The following NTRK3 variants were observed in gnomAD, a reference collection of about 807,000 sequenced individuals.
The protein encoded by NTRK3 is neurotrophic receptor tyrosine kinase 3.
Under a neutral mutation model 91.7 loss-of-function variants are expected in NTRK3, and 24 were observed. The ratio of observed to expected loss-of-function variants is 0.26; its 90% CI spans 0.19 to 0.37. The LOEUF (loss-of-function observed/expected upper bound fraction) is 0.37. Among genes scored for constraint, NTRK3 ranks in the 10% least tolerant of loss-of-function variants. The pLI, the probability that NTRK3 is intolerant of heterozygous loss-of-function variation, is 1.00. For missense variants in NTRK3, 880 were observed against 1,068.9 expected (o/e 0.82, Z 2.46); for synonymous variants, 483 against 404.0 (o/e 1.20, Z -2.34).
At chr15:88,256,452 G>A (rs1488214014) in exon 2 of NTRK3, 32 of 534,498 alleles carry the variant, frequency 6.0e-5, no homozygotes, top group Non-Finnish European at 9.4e-5. Context: ...GGGTCCGGGG[G>A]CTCTGGAAGC....
exon 19 of NTRK3, chr15:87,877,000 C>G (rs1189216024): frequency 2.5e-6 from 4 of 1,613,710 alleles, no homozygotes; most frequent in Non-Finnish European, 3.4e-6. Context: ...TTGTAGATCT[C>G]CTTGATGTTC....
At chr15:88,134,444 T>A (rs1223914223) in intron 10 of NTRK3, among the ~76,000 whole-genome samples, 1 of 152,172 alleles carries the variant, frequency 6.6e-6, no homozygotes, top group Admixed American at 6.5e-5. Context: ...ATTAGCACTA[T>A]CATAAGCTGA....
intron 6 of NTRK3, among the ~76,000 whole-genome samples, chr15:88,144,354 C>A (rs903534212): frequency 2.6e-5 from 4 of 152,152 alleles, no homozygotes; most frequent in African/African-American, 9.6e-5. Context: ...GAGTCAGGGG[C>A]TTGGCCAAGA....
At chr15:87,898,873 C>T (rs1006600019) in intron 17 of NTRK3, among the ~76,000 whole-genome samples, 9 of 150,876 alleles carry the variant, frequency 6.0e-5, no homozygotes, top group South Asian at 2.1e-4. Flanking sequence ...TGTGGTGGCA[C>T]GCACCTGTAG....
exon 16 of NTRK3, chr15:87,933,173 A>T (rs772443761): frequency 1.2e-5 from 20 of 1,613,986 alleles, no homozygotes; most frequent in Admixed American, 5.0e-5. Context: ...CCAGGGTGGG[A>T]TCCTTCAGGG....
At chr15:87,959,124 C>T (rs2071988589) in intron 14 of NTRK3, among the ~76,000 whole-genome samples, 1 of 152,152 alleles carries the variant, frequency 6.6e-6, no homozygotes, top group African/African-American at 2.4e-5. Context: ...GCTCTCCAAC[C>T]ACTCAGTGGA....
intron 13 of NTRK3, among the ~76,000 whole-genome samples, chr15:88,063,143 C>T (rs2046360469): frequency 6.6e-6 from 1 of 152,226 alleles, no homozygotes; most frequent in Non-Finnish European, 1.5e-5. Context: ...TATTTGTTTG[C>T]TGTGAAGATT....
chr15:88,248,570 G>T (rs769496079), intron 3 of NTRK3, among the ~76,000 whole-genome samples: 2 of 152,212 alleles, frequency 1.3e-5, no homozygotes, highest in Admixed American at 1.3e-4. Context: ...ATGCTAGTAT[G>T]CATAAGAGTA....
intron 13 of NTRK3, among the ~76,000 whole-genome samples, chr15:88,064,611 C>T (rs759884300): frequency 6.6e-6 from 1 of 152,220 alleles, no homozygotes. Context: ...CTAGGTCTGT[C>T]TGGTTTCTAT....
intron 3 of NTRK3, among the ~76,000 whole-genome samples, chr15:88,239,980 T>A (rs2052172485): frequency 6.6e-6 from 1 of 151,948 alleles, no homozygotes; most frequent in Non-Finnish European, 1.5e-5. Context: ...GTGATGCGCA[T>A]GCACGCCAAA....
At chr15:88,205,201 T>C (rs1406038115) in intron 3 of NTRK3, among the ~76,000 whole-genome samples, 1 of 152,180 alleles carries the variant, frequency 6.6e-6, no homozygotes, top group East Asian at 1.9e-4. Context: ...GATTCAGGGT[T>C]TAAAATGCAT....
At chr15:87,937,022 G>A (rs537186118) in intron 15 of NTRK3, among the ~76,000 whole-genome samples, 11 of 152,010 alleles carry the variant, frequency 7.2e-5, no homozygotes, top group Non-Finnish European at 1.5e-4. Context: ...TGGCCTTTCC[G>A]TACTCTCCAA....
chr15:88,037,577 A>C (rs546748466), intron 13 of NTRK3, among the ~76,000 whole-genome samples: 2 of 152,294 alleles, frequency 1.3e-5, no homozygotes, highest in Admixed American at 1.3e-4. Flanking sequence ...AAAGAAAGAA[A>C]GAAAGCATTC....
intron 13 of NTRK3, among the ~76,000 whole-genome samples, chr15:88,070,626 T>C (rs1195823608): frequency 6.6e-6 from 1 of 151,872 alleles, no homozygotes; most frequent in African/African-American, 2.4e-5. Flanking sequence ...TCCTTCCTGA[T>C]CTCCAGTAGC....
intron 17 of NTRK3, among the ~76,000 whole-genome samples, chr15:87,924,228 C>T (rs113472874): frequency 3.3e-5 from 5 of 152,126 alleles, no homozygotes; most frequent in Admixed American, 6.5e-5. Flanking sequence ...AGAGATCAAA[C>T]CAAGGCAGTG....
rs1338744145 is a variant in NTRK3 at position 88,143,456 on chromosome 15, A to G, written c.464+3879T>C. Reference sequence around the variant, plus strand: ...AACTTCTGGCCTCCAGAATGGTGAAACAATAATGTTCTATTGTTTTAAGCC... The same window carrying G: ...AACTTCTGGCCTCCAGAATGGTGAAGCAATAATGTTCTATTGTTTTAAGCC... On this transcript the variant is annotated intron_variant, in intron 6 of 18. Transcript: ENST00000394480. Among the ~76,000 whole-genome samples the G allele has an allele frequency of 3.3e-5, 5 of 152,320 alleles. No homozygotes were observed. The East Asian group carries it at 9.6e-4, about 29-fold the overall frequency.
chr15:88,091,777 G>T (rs2049040308), intron 13 of NTRK3, among the ~76,000 whole-genome samples: 1 of 152,096 alleles, frequency 6.6e-6, no homozygotes, highest in Non-Finnish European at 1.5e-5. Context: ...AATGTTCCTT[G>T]GTCATGGCTC....
At chr15:88,151,776 C>T (rs548191802) in intron 5 of NTRK3, among the ~76,000 whole-genome samples, 4 of 152,308 alleles carry the variant, frequency 2.6e-5, no homozygotes, top group African/African-American at 7.2e-5. Flanking sequence ...ACCTCCTCTT[C>T]TACTGGTAGA....
intron 13 of NTRK3, among the ~76,000 whole-genome samples, chr15:88,048,077 T>C (rs1343853045): frequency 6.6e-6 from 1 of 152,162 alleles, no homozygotes; most frequent in African/African-American, 2.4e-5. Flanking sequence ...TCTTAGGCAG[T>C]CAATAAATAT....
Sources: gnomAD v4.1 joint callset for allele counts (sites outside exome capture counted in the v4.1 genomes callset) on GRCh38, gnomAD v4.1.1 for gene constraint, MANE v1.5 for transcripts, NCBI Gene and HGNC (gene_info 2026-07-23, HGNC 2026-07-21) for gene names.